The following GATA3 variants were observed in gnomAD, a reference collection of about 807,000 sequenced individuals.
The protein encoded by GATA3 is GATA binding protein 3.
A neutral mutation model predicts 36.0 loss-of-function variants in GATA3; 6 were observed. The ratio of observed to expected loss-of-function variants is 0.17; its 90% CI spans 0.09 to 0.33. The LOEUF is 0.33. GATA3 is among the 10% of genes least tolerant of loss of function. The pLI, the probability that GATA3 is intolerant of heterozygous loss-of-function variation, is 1.00. For synonymous variants in GATA3, 326 were observed against 273.0 expected (o/e 1.19, Z -1.92); for missense variants, 514 against 610.1 (o/e 0.84, Z 1.66).
intron 3 of GATA3, among the ~76,000 whole-genome samples, chr10:8,062,377 T>TTTTTA (rs1564400890): frequency 6.9e-6 from 1 of 145,704 alleles, no homozygotes; most frequent in Non-Finnish European, 1.5e-5. Flanking sequence ...TTTTTTTTTT[T>TTTTTA]AAAAAACAAA....
At chr10:8,060,775 G>C (rs893477163) in intron 3 of GATA3, among the ~76,000 whole-genome samples, 5 of 152,142 alleles carry the variant, frequency 3.3e-5, no homozygotes, top group Non-Finnish European at 7.4e-5. Context: ...ACATGGAGGG[G>C]AGAAAGAGAG....
upstream of GATA3, chr10:8,053,371 C>CAG (rs1832548806): frequency 2.6e-5 from 4 of 152,214 alleles, no homozygotes; most frequent in Admixed American, 2.6e-4. The surrounding 1 kb of genome is among the most constrained non-coding windows in gnomAD (Gnocchi z 5.1). Flanking sequence ...TGGGGGCGAG[C>CAG]AGAGAGTGGA....
chr10:8,053,931 C>G (rs75079492), upstream of GATA3, among the ~76,000 whole-genome samples: 285 of 152,296 alleles, frequency 1.9e-3, no homozygotes, highest in African/African-American at 6.6e-3. This position sits in a 1 kb window ranked among gnomAD's most constrained non-coding sequence, Gnocchi z 5.1. Flanking sequence ...ACTGTTGCCA[C>G]TCAAGTCAAA....
intron 5 of GATA3, among the ~76,000 whole-genome samples, chr10:8,072,875 G>T (rs906511617): frequency 2.6e-5 from 4 of 152,246 alleles, no homozygotes; most frequent in Admixed American, 1.3e-4. Flanking sequence ...GGCCAGGCGC[G>T]GTGGCTCATG....
chr10:8,057,150 T>A (rs1002853482), intron 2 of GATA3, among the ~76,000 whole-genome samples: 1 of 152,150 alleles, frequency 6.6e-6, no homozygotes, highest in African/African-American at 2.4e-5. Context: ...CTGCATAATA[T>A]GAATCTTGAC....
At chr10:8,046,648 A>AGTGTGT (rs55947422) in intron 1 of GATA3, among the ~76,000 whole-genome samples, 2,419 of 137,816 alleles carry the variant, frequency 0.018, 43 homozygotes, top group Middle Eastern at 0.036. Flanking sequence ...AATGGCTGGC[A>AGTGTGT]GTGTGTGTGT....
intron 2 of GATA3, 132 bp from the exon 3 acceptor site, chr10:8,058,173 G>A (rs1247967226): frequency 1.0e-6 from 1 of 960,602 alleles, no homozygotes; most frequent in African/African-American, 1.6e-5. Flanking sequence ...GGATGAGAGA[G>A]TGGGCCTGAG....
intron 3 of GATA3, among the ~76,000 whole-genome samples, chr10:8,062,377 TA>T (rs1357640989): frequency 4.1e-4 from 60 of 145,738 alleles, no homozygotes; most frequent in South Asian, 2.6e-3. Context: ...TTTTTTTTTT[TA>T]AAAAACAAAG....
chr10:8,059,297 C>A (rs1313789108), intron 3 of GATA3, among the ~76,000 whole-genome samples: 1 of 152,204 alleles, frequency 6.6e-6, no homozygotes. Context: ...CTGTTCCTCT[C>A]GCTCAGCTCA....
At chr10:8,049,724 C>G (rs1832439204), upstream of GATA3, among the ~76,000 whole-genome samples, 3 of 152,168 alleles carry the variant, frequency 2.0e-5, no homozygotes, top group Non-Finnish European at 4.4e-5. Flanking sequence ...AATCCAGGGG[C>G]CGAGGCGGAG....
intron 5 of GATA3, among the ~76,000 whole-genome samples, chr10:8,072,494 T>G (rs1832946658): frequency 6.6e-6 from 1 of 152,238 alleles, no homozygotes; most frequent in South Asian, 2.1e-4. Context: ...TCTGCCTCCC[T>G]GTGGGGAGTA....
Position 8,055,643 on chromosome 10 carries a change from C to A in GATA3, c.-13C>A. 2.6e-6 allele frequency: 4 copies of A among 1,551,288 alleles called. No individual in the cohort carries two copies. Among genetic ancestry groups the A allele is most frequent in the Non-Finnish European group, 3.5e-6 (4 of 1,149,014 alleles). On this transcript the variant is annotated 5_prime_UTR_variant, in exon 2 of 6. Coordinates refer to ENST00000379328, the MANE Select transcript of GATA3 (RefSeq NM_001002295.2). The surrounding 1 kb of genome is among the most constrained non-coding windows in gnomAD (Gnocchi z 5.4). ...TCCGGGCCCGGCGAGAGGGCGCGAG[C>A]ACAGCCGAGGCCATGGAGGTGACGG...
chr10:8,055,746 C>G lies in GATA3; in HGVS notation c.91C>G (p.Leu31Val), dbSNP rs913774132. ...GQHPDTHHPG[L>V]SHSYMDAAQY... ...GCACCCGGACACGCACCACCCGGGC[C>G]TCAGCCACTCCTACATGGACGCGGC... The change falls in exon 2 of 6, where the codon CTC becomes GTC. Residue 31 changes from leucine to valine, a missense_variant. Transcript: ENST00000379328. This position sits in a 1 kb window ranked among gnomAD's most constrained non-coding sequence, Gnocchi z 5.4. 1 of 1,579,822 alleles carries G rather than the reference C, an allele frequency of 6.3e-7. No individual in the cohort carries two copies. The highest frequency in any genetic ancestry group is 8.6e-7 in the Non-Finnish European group (1 of 1,162,990).
Position 8,062,245 on chromosome 10 carries a change from C to A in GATA3, c.779-1748C>A, listed in dbSNP as rs3824662. On this transcript the variant is annotated intron_variant, in intron 3 of 5. Transcript: ENST00000379328. ...AGGAAGGCGCCTTTGGCATGCACTGCAGCGTGTTTGTGTTTAATCTCAGGG... is the reference window on the plus strand; with the variant it reads ...AGGAAGGCGCCTTTGGCATGCACTGAAGCGTGTTTGTGTTTAATCTCAGGG... Among the ~76,000 whole-genome samples, 27,042 of 151,898 alleles carry A rather than the reference C, an allele frequency of 0.18. 2,831 individuals carry two copies. The highest frequency in any genetic ancestry group is 0.29 in the East Asian group (1,523 of 5,166).
At chr10:8,066,079 T>G (rs957000476) in intron 4 of GATA3, among the ~76,000 whole-genome samples, 7 of 150,972 alleles carry the variant, frequency 4.6e-5, no homozygotes, top group African/African-American at 1.7e-4. Context: ...TTTTTTCTGT[T>G]TTTTTTCTAA....
chr10:8,058,792 C>G lies in GATA3; in HGVS notation c.729C>G (p.Ser243=), dbSNP rs769136441. 1.2e-6 allele frequency: 2 copies of G among 1,608,782 alleles called. No homozygotes were observed. Among genetic ancestry groups the G allele is most frequent in the Admixed American group, 3.3e-5 (2 of 60,022 alleles). The change falls in exon 3 of 6, where the codon TCC becomes TCG. Residue 243 remains serine (S), a synonymous_variant. Coordinates refer to ENST00000379328, the MANE Select transcript of GATA3 (RefSeq NM_001002295.2). The stretch of plus-strand genomic sequence containing the variant: ...CCCCCAGCAGCCTGCTGGGCGGCTC[C>G]CCCACCGGCTTCGGATGCAAGTCCA... The part of the protein sequence containing the change: ...LFPPSSLLGG[S]PTGFGCKSRP...
At chr10:8,048,316 G>A (rs533993767) in intron 1 of GATA3, among the ~76,000 whole-genome samples, 5 of 152,318 alleles carry the variant, frequency 3.3e-5, no homozygotes, top group East Asian at 1.9e-4. Flanking sequence ...ACTGAACACC[G>A]CGTGCACCCC....
rs1335569446 is a variant in GATA3 at position 8,058,318 on chromosome 10, C to T, written c.255C>T (p.Cys85=). ...YPPTHHGSQV[C]RPPLLHGSLP... ...GTTGCCCCACAGGGAGCCAGGTGTGCCGCCCGCCTCTGCTTCATGGATCCC... is the reference window on the plus strand; with the variant it reads ...GTTGCCCCACAGGGAGCCAGGTGTGTCGCCCGCCTCTGCTTCATGGATCCC... The change falls in exon 3 of 6, where the codon TGC becomes TGT. Residue 85 remains cysteine (C), a synonymous_variant. Transcript: ENST00000379328. 6.2e-7 allele frequency: 1 copy of T among 1,613,354 alleles called. No individual in the cohort carries two copies. The highest frequency in any genetic ancestry group is 8.5e-7 in the Non-Finnish European group (1 of 1,179,984).
In GATA3 at chr10:8,055,985, G is replaced by A. The variant is rs1045998011; in HGVS notation, c.241+89G>A. 1 of 1,516,874 alleles carries A rather than the reference G, an allele frequency of 6.6e-7. No homozygotes were observed. Among genetic ancestry groups the A allele is most frequent in the Admixed American group, 2.0e-5 (1 of 50,478 alleles). 94.0% of individuals were successfully genotyped at this position (1,516,874 alleles called of 1,614,324 possible). The stretch of plus-strand genomic sequence containing the variant: ...CGGGAGGGACCTGAGGGCGGGGAGA[G>A]GTCAAGCGAAAGCCCCCATCTGCCG... On this transcript the variant is annotated intron_variant, in intron 2 of 5. Transcript: ENST00000379328. This position sits in a 1 kb window ranked among gnomAD's most constrained non-coding sequence, Gnocchi z 5.4.
Sources: allele counts gnomAD v4.1 joint callset (sites outside exome capture counted in the v4.1 genomes callset), GRCh38; gene constraint gnomAD v4.1.1; non-coding constraint Gnocchi (gnomAD v3.1); transcripts MANE v1.5; gene names NCBI Gene and HGNC (gene_info 2026-07-23, HGNC 2026-07-21).